Variants in DMD observed in about 807,000 individuals in gnomAD.
DMD encodes dystrophin, also known as mutant dystrophin.
Under a neutral mutation model 330.1 loss-of-function variants are expected in DMD, and 63 were observed. The ratio of observed to expected loss-of-function variants is 0.19; its 90% CI spans 0.16 to 0.24. DMD has a LOEUF of 0.24. Ranked by LOEUF, DMD falls within the 10% of genes least tolerant of loss-of-function variation. The pLI is 1.00. For missense variants in DMD, 3,344 were observed against 2,684.1 expected (o/e 1.25, Z -5.43); for synonymous variants, 1,223 against 959.8 (o/e 1.27, Z -5.07).
chrX:31,281,585 A>T (rs1346468880), intron 62 of DMD, among the ~76,000 whole-genome samples: 1 of 111,351 alleles, frequency 9.0e-6, no homozygotes, highest in African/African-American at 3.3e-5. Context: ...ATGTTTTCTA[A>T]TCTCCTTATA....
chrX:31,776,964 T>C (rs1278940221), intron 50 of DMD, among the ~76,000 whole-genome samples: 1 of 111,743 alleles, frequency 8.9e-6, no homozygotes, highest in African/African-American at 3.3e-5. Context: ...CTGAAGAACA[T>C]CTATCTGTAC....
intron 1 of DMD, among the ~76,000 whole-genome samples, chrX:33,134,214 T>G (rs1361937510): frequency 8.9e-6 from 1 of 111,860 alleles, no homozygotes; most frequent in Admixed American, 9.6e-5. Flanking sequence ...CCGTTAGCTT[T>G]AAGCTTTTCT....
rs183789602 is a variant in DMD at position 33,073,780 on chromosome X, C to T, written c.32-53580G>A. ...CTGGCAGGCGGAGGTTGCAGTGAGC[C>T]GAGATCGCATCACCGCACTCCATCC... On this transcript the variant is annotated intron_variant, in intron 1 of 78. Coordinates refer to ENST00000357033, the MANE Select transcript of DMD (RefSeq NM_004006.3). Among the ~76,000 whole-genome samples, 525 of 108,984 alleles carry T rather than the reference C, an allele frequency of 4.8e-3. 4 individuals carry two copies. The highest frequency in any genetic ancestry group is 0.017 in the African/African-American group (502 of 29,966). The allele number at this position is 108,984 out of a possible 115,157, so 94.6% of individuals were successfully genotyped here. A position where few individuals can be genotyped will look rare whatever the true frequency, so the allele number is the denominator to read the frequency against.
chrX:32,657,194 C>G (rs192639897), intron 9 of DMD, among the ~76,000 whole-genome samples: 1 of 110,873 alleles, frequency 9.0e-6, no homozygotes, highest in Non-Finnish European at 1.9e-5. Flanking sequence ...GAACCTTTCT[C>G]ATAAAATCAA....
chrX:31,328,101 T>C (rs968616065), intron 61 of DMD, among the ~76,000 whole-genome samples: 4 of 112,374 alleles, frequency 3.6e-5, no homozygotes, highest in Non-Finnish European at 7.5e-5. Flanking sequence ...CTTATGGATG[T>C]ACCATGATTT....
chrX:32,184,832 C>CT (rs78157427), intron 44 of DMD, among the ~76,000 whole-genome samples: 10,750 of 60,604 alleles, frequency 0.18, 1,064 homozygotes, highest in Non-Finnish European at 0.24. Flanking sequence ...CTACAGATGT[C>CT]TTTTTTTTTT....
chrX:33,009,997 C>CGT (rs1557207868), intron 2 of DMD, among the ~76,000 whole-genome samples: 3 of 25,354 alleles, frequency 1.2e-4, no homozygotes, highest in South Asian at 1.6e-3. Context: ...TGTATATACA[C>CGT]GTATGTATGT....
intron 28 of DMD, 80 bp from the exon 29 acceptor site, chrX:32,438,470 C>A: frequency 9.4e-7 from 1 of 1,065,322 alleles, no homozygotes; most frequent in Non-Finnish European, 1.3e-6. Flanking sequence ...TCAGTATCTT[C>A]TGATTTACAT....
At chrX:31,523,679 G>C (rs2073036521) in intron 55 of DMD, among the ~76,000 whole-genome samples, 1 of 112,029 alleles carries the variant, frequency 8.9e-6, no homozygotes, top group African/African-American at 3.3e-5. Context: ...TGGAGAAAAG[G>C]GTGCATTCAG....
At chrX:31,174,668 T>C (rs1267180914) in intron 71 of DMD, among the ~76,000 whole-genome samples, 1 of 111,584 alleles carries the variant, frequency 9.0e-6, no homozygotes, top group Non-Finnish European at 1.9e-5. Flanking sequence ...CCAAGTAGCG[T>C]TGAAGGACTT....
At chrX:32,386,731 TA>T (rs1472082562) in intron 32 of DMD, among the ~76,000 whole-genome samples, 1 of 109,899 alleles carries the variant, frequency 9.1e-6, no homozygotes. Context: ...TGTTTTGTGA[TA>T]TATATATATT....
At chrX:32,216,788 A>T in intron 44 of DMD, 128 bp downstream of exon 44, 1 of 586,571 alleles carries the variant, frequency 1.7e-6, no homozygotes, top group Non-Finnish European at 2.8e-6. Context: ...TCTTTCTAGT[A>T]ATATAATGAT....
intron 1 of DMD, among the ~76,000 whole-genome samples, chrX:33,166,779 A>ATATT (rs1557283549): frequency 5.6e-5 from 6 of 106,999 alleles, no homozygotes; most frequent in African/African-American, 2.0e-4. Flanking sequence ...ATATATATAT[A>ATATT]TTTTTTTTCC....
chrX:32,730,673 A>T (rs1384102622), intron 7 of DMD, among the ~76,000 whole-genome samples: 1 of 112,243 alleles, frequency 8.9e-6, no homozygotes, highest in African/African-American at 3.2e-5. Context: ...CTGAGTTTGG[A>T]ATCTTTAATA....
intron 17 of DMD, among the ~76,000 whole-genome samples, chrX:32,519,617 A>G (rs1432894293): frequency 8.9e-6 from 1 of 111,998 alleles, no homozygotes; most frequent in East Asian, 2.8e-4. Context: ...TTTCACTTCA[A>G]TATTAGACTT....
At chrX:32,263,308 T>G (rs754442265) in intron 43 of DMD, among the ~76,000 whole-genome samples, 32 of 111,999 alleles carry the variant, frequency 2.9e-4, no homozygotes, top group Non-Finnish European at 5.6e-4. Context: ...AATAGAATAT[T>G]TTGCAGACTG....
chrX:31,918,496 C>T (rs1211248433), intron 47 of DMD, among the ~76,000 whole-genome samples: 1 of 111,683 alleles, frequency 9.0e-6, no homozygotes, highest in Non-Finnish European at 1.9e-5. Context: ...ATTAACCACA[C>T]GCGAACTGAG....
At chrX:33,246,385 A>G (rs1370514283) in intron 1 of DMD, among the ~76,000 whole-genome samples, 2 of 111,185 alleles carry the variant, frequency 1.8e-5, no homozygotes, top group Admixed American at 9.6e-5. Context: ...TTCCAGTGAT[A>G]TCGTTGCCTT....
intron 50 of DMD, among the ~76,000 whole-genome samples, chrX:31,803,849 G>A (rs763157641): frequency 3.7e-3 from 404 of 110,251 alleles, no homozygotes; most frequent in Non-Finnish European, 5.6e-3. Context: ...ACAGGCATGC[G>A]CCACCATGCC....
Sources: gnomAD v4.1 joint callset for allele counts (sites outside exome capture counted in the v4.1 genomes callset) on GRCh38, gnomAD v4.1.1 for gene constraint, MANE v1.5 for transcripts, NCBI Gene and HGNC (gene_info 2026-07-23, HGNC 2026-07-21) for gene names.